The following ZNF862 variants were observed in gnomAD, a reference collection of about 807,000 sequenced individuals.
The protein encoded by ZNF862 is zinc finger protein 862.
A neutral mutation model predicts 91.1 loss-of-function variants in ZNF862; 64 were observed. The ratio of observed to expected loss-of-function variants is 0.70; its 90% confidence interval spans 0.57 to 0.87. ZNF862 has a LOEUF of 0.87. ZNF862 is among the 40% of genes least tolerant of loss of function. ZNF862 has a pLI of 0.00. For synonymous variants in ZNF862, 631 were observed against 618.1 expected (o/e 1.02, Z -0.31); for missense variants, 1,459 against 1,528.0 (o/e 0.95, Z 0.75).
chr7:149,862,900 C>T (rs1391068451), intron 7 of ZNF862, among the ~76,000 whole-genome samples: 2 of 152,240 alleles, frequency 1.3e-5, no homozygotes, highest in South Asian at 2.1e-4. Context: ...AAGGTCAAGA[C>T]CACTGCTGGG....
chr7:149,863,411 CT>C (rs1429286939), intron 7 of ZNF862, among the ~76,000 whole-genome samples: 6 of 152,112 alleles, frequency 3.9e-5, no homozygotes, highest in African/African-American at 1.4e-4. Flanking sequence ...ACCTCTGAGT[CT>C]GTGGTCACCA....
In ZNF862 at chr7:149,857,420, ACT is replaced by A. The variant is rs557700983; in HGVS notation, c.1118-2001_1118-2000del. ...CTATTGGGTTTTTTAGTTGCTAAACACTGTTATTTCCTCTTTCATGAATGGCT... is the reference window on the plus strand; with the variant it reads ...CTATTGGGTTTTTTAGTTGCTAAACAGTTATTTCCTCTTTCATGAATGGCT... On this transcript the variant is annotated intron_variant, in intron 5 of 7. Coordinates refer to ENST00000223210, the MANE Select transcript of ZNF862 (RefSeq NM_001099220.3). Among the ~76,000 whole-genome samples the A allele has an allele frequency of 7.2e-5, 11 of 152,166 alleles. No individual in the cohort carries two copies. In the South Asian group the frequency reaches 2.1e-3, roughly 29 times the overall value.
rs529142153 is a variant in ZNF862 at position 149,846,419 on chromosome 7, C to T, written c.241+164C>T. ...TTAATACCTAAATATACACACTGCC[C>T]CTAATGTCCTTCTCCAACCTCTCAT... On this transcript the variant is annotated intron_variant, in intron 3 of 7. Transcript: ENST00000223210. Among the ~76,000 whole-genome samples the T allele has an allele frequency of 2.6e-5, 4 of 152,344 alleles. No individual in the cohort carries two copies. In the East Asian group the frequency reaches 7.7e-4, roughly 29 times the overall value.
At position 149,864,093 on chromosome 7, in the gene ZNF862, C is replaced by T. The variant is rs1412652115; in HGVS notation, c.3335-16C>T. 2 of 1,559,574 alleles carry T rather than the reference C, an allele frequency of 1.3e-6. No homozygotes were observed. Among genetic ancestry groups the T allele is most frequent in the Admixed American group, 1.9e-5 (1 of 51,894 alleles). ...CTGTCAGTCAGTCTAATTGTATTCT[C>T]CTTCCTCCCTCACAGGCGCCAGGCT... On this transcript the variant is annotated splice_polypyrimidine_tract_variant and intron_variant, in intron 7 of 7. Coordinates refer to ENST00000223210, the MANE Select transcript of ZNF862 (RefSeq NM_001099220.3).
chr7:149,853,880 G>C (rs1168567486), intron 5 of ZNF862, among the ~76,000 whole-genome samples: 1 of 151,018 alleles, frequency 6.6e-6, no homozygotes, highest in Non-Finnish European at 1.5e-5. Flanking sequence ...GGAGGTTGCA[G>C]TGAGCCAAGA....
At chr7:149,859,143 T>C in intron 5 of ZNF862, 1 of 493,656 alleles carries the variant, frequency 2.0e-6, no homozygotes, top group South Asian at 2.1e-5. Flanking sequence ...TCTCTCCTGC[T>C]TAGTCCCTAT....
In ZNF862 at chr7:149,861,339, C is replaced by T. The variant is rs753431483; in HGVS notation, c.2179C>T (p.His727Tyr). 3.7e-6 allele frequency: 6 copies of T among 1,612,990 alleles called. No individual in the cohort carries two copies. Among genetic ancestry groups the T allele is most frequent in the African/African-American group, 1.3e-5 (1 of 74,944 alleles). ...PQLLPVHCVA[H>Y]RLHLAVVDAC... ...GCTGCTGCCTGTCCACTGCGTGGCC[C>T]ACCGGCTGCACCTGGCTGTGGTGGA... Residue 727 changes from histidine (H) to tyrosine (Y), a missense_variant, in exon 7 of 8, where the codon CAC (histidine) becomes TAC (tyrosine). Physicochemically the swap from His to Tyr is moderately conservative, Grantham distance 83 (BLOSUM62 2). Coordinates refer to ENST00000223210, the MANE Select transcript of ZNF862 (RefSeq NM_001099220.3). This position sits in a 1 kb window ranked among gnomAD's most constrained non-coding sequence, Gnocchi z 6.7.
rs1333188767 is a variant in ZNF862, at chr7:149,864,767, A to ACTT, written c.*485_*487dup. The ACTT allele has an allele frequency of 6.4e-6, 1 of 156,048 alleles. No individual in the cohort carries two copies. The highest frequency in any genetic ancestry group is 1.9e-4 in the East Asian group (1 of 5,264). 9.7% of individuals were successfully genotyped at this position (156,048 alleles called of 1,614,324 possible). The stretch of plus-strand genomic sequence containing the variant: ...GAGCCCCCAGAGGCATTGTTCTGGG[A>ACTT]CTTCCTACCCTGGCTCCCACAGCAG... On this transcript the variant is annotated 3_prime_UTR_variant, in exon 8 of 8. Coordinates refer to ENST00000223210, the MANE Select transcript of ZNF862 (RefSeq NM_001099220.3).
At position 149,862,424 on chromosome 7, in the gene ZNF862, C is replaced by A. The variant is rs1458445998; in HGVS notation, c.3264C>A (p.Tyr1088Ter). The change falls in exon 7 of 8, where the codon TAC becomes TAA. Residue 1088 changes from tyrosine to a stop codon, truncating the protein, a stop_gained. Coordinates refer to ENST00000223210, the MANE Select transcript of ZNF862 (RefSeq NM_001099220.3). LOFTEE classifies it high-confidence loss of function. ...YDPQPAIQHW[Y>*]LTSSGRRFSH... ...CCCAGCCCGCCATCCAGCACTGGTACCTGACCTCCTCAGGCCGGCGTTTCA... is the reference window on the plus strand; with the variant it reads ...CCCAGCCCGCCATCCAGCACTGGTAACTGACCTCCTCAGGCCGGCGTTTCA... 1 of 1,612,430 alleles carries A rather than the reference C, an allele frequency of 6.2e-7. No individual in the cohort carries two copies. Among genetic ancestry groups the A allele is most frequent in the Non-Finnish European group, 8.5e-7 (1 of 1,179,762 alleles).
Position 149,848,149 on chromosome 7 carries a change from G to A in ZNF862, c.656G>A (p.Ser219Asn). Residue 219 changes from serine (S) to asparagine (N), a missense_variant, in exon 4 of 8, where the codon AGC (serine) becomes AAC (asparagine). Physicochemically the swap from Ser to Asn is conservative, Grantham distance 46. Coordinates refer to ENST00000223210, the MANE Select transcript of ZNF862 (RefSeq NM_001099220.3). ...RDPIWAARFR[S>N]IRDPPGDVLA... ...CCCATCTGGGCAGCCCGGTTCCGGAGCATCAGAGACCCACCTGGAGATGTT... is the reference window on the plus strand; with the variant it reads ...CCCATCTGGGCAGCCCGGTTCCGGAACATCAGAGACCCACCTGGAGATGTT... 1 of 1,614,020 alleles carries A rather than the reference G, an allele frequency of 6.2e-7. No individual in the cohort carries two copies. The highest frequency in any genetic ancestry group is 2.2e-5 in the East Asian group (1 of 44,884).
chr7:149,843,169 A>G (rs1430227262), intron 1 of ZNF862, among the ~76,000 whole-genome samples: 1 of 152,196 alleles, frequency 6.6e-6, no homozygotes, highest in African/African-American at 2.4e-5. Context: ...TCTGCAGTCA[A>G]CATGAGAAAA....
In ZNF862 at chr7:149,848,312, A is replaced by C. The variant is rs746253285; in HGVS notation, c.819A>C (p.Ala273=). ...AELEDPGGDG[A]IPAMYLDCIS... is the part of the protein sequence containing the mutation. The stretch of plus-strand genomic sequence containing the variant: ...TAGAGGACCCTGGGGGGGATGGAGC[A>C]ATTCCTGCAATGTATCTAGACTGCA... The change falls in exon 4 of 8, where the codon GCA becomes GCC. Residue 273 remains alanine (A), a synonymous_variant. Coordinates refer to ENST00000223210, the MANE Select transcript of ZNF862 (RefSeq NM_001099220.3). 5.0e-6 allele frequency: 8 copies of C among 1,607,628 alleles called. No individual in the cohort carries two copies. In the African/African-American group the frequency reaches 8.0e-5, roughly 16 times the overall value.
chr7:149,862,959 T>TCC (rs1802572854), intron 7 of ZNF862, among the ~76,000 whole-genome samples: 1 of 152,152 alleles, frequency 6.6e-6, no homozygotes, highest in Non-Finnish European at 1.5e-5. Context: ...ACATTCTAAG[T>TCC]GGGGCTGTAT....
Position 149,847,966 on chromosome 7 carries a change from C to G in ZNF862, c.473C>G (p.Ala158Gly), listed in dbSNP as rs1801933380. 6.2e-7 allele frequency: 1 copy of G among 1,610,218 alleles called. No homozygotes were observed. Among genetic ancestry groups the G allele is most frequent in the Non-Finnish European group, 8.5e-7 (1 of 1,178,112 alleles). Reference sequence around the variant, plus strand: ...CTGATCATGAATGAGGAGCAGACGGCTCTGTTCTGCTCTGCTTGCCGAGAA... The same window carrying G: ...CTGATCATGAATGAGGAGCAGACGGGTCTGTTCTGCTCTGCTTGCCGAGAA... ...PWLIMNEEQT[A>G]LFCSACREYP... The change falls in exon 4 of 8, where the codon GCT becomes GGT. Residue 158 changes from alanine to glycine, a missense_variant. Coordinates refer to ENST00000223210, the MANE Select transcript of ZNF862 (RefSeq NM_001099220.3).
chr7:149,851,270 A>G (rs1376858058), intron 5 of ZNF862, among the ~76,000 whole-genome samples: 2 of 152,154 alleles, frequency 1.3e-5, no homozygotes, highest in Admixed American at 1.3e-4. Flanking sequence ...ACCTCAGGTG[A>G]TCCACCTGCC....
At chr7:149,859,147 T>C (rs966079457) in intron 5 of ZNF862, 1 of 503,316 alleles carries the variant, frequency 2.0e-6, no homozygotes. Context: ...TCCTGCTTAG[T>C]CCCTATGTTT....
chr7:149,843,827 T>C (rs1801784048), intron 1 of ZNF862, among the ~76,000 whole-genome samples: 1 of 152,232 alleles, frequency 6.6e-6, no homozygotes, highest in African/African-American at 2.4e-5. Context: ...TTTCCGGTGC[T>C]GGAAGATGCC....
intron 5 of ZNF862, chr7:149,859,149 C>T (rs1382769416): frequency 2.0e-6 from 1 of 508,380 alleles, no homozygotes; most frequent in Admixed American, 3.4e-5. Flanking sequence ...CTGCTTAGTC[C>T]CTATGTTTCT....
At chr7:149,860,143 T>C in intron 6 of ZNF862, 1 of 527,446 alleles carries the variant, frequency 1.9e-6, no homozygotes, top group Non-Finnish European at 3.3e-6. Context: ...GATAGGGTGG[T>C]TGGGGCGCTG....
Sources: gnomAD v4.1 joint callset for allele counts (sites outside exome capture counted in the v4.1 genomes callset) on GRCh38, gnomAD v4.1.1 for gene constraint, Gnocchi (gnomAD v3.1) non-coding constraint, MANE v1.5 for transcripts, NCBI Gene and HGNC (gene_info 2026-07-23, HGNC 2026-07-21) for gene names.